Variants in PDLIM1 observed in about 807,000 individuals in gnomAD.
The protein encoded by PDLIM1 is PDZ and LIM domain protein 1.
In PDLIM1, 25 loss-of-function variants were observed where a neutral mutation model predicts 35.2. The observed-to-expected ratio is 0.71, with a 90% CI of 0.52 to 0.99. The LOEUF is 0.99. Among genes scored for constraint, PDLIM1 ranks in the 50% least tolerant of loss-of-function variants. PDLIM1 has a pLI of 0.00. For synonymous variants in PDLIM1, 152 were observed against 154.0 expected, an observed-to-expected ratio of 0.99 and a Z score of 0.10; for missense variants, 363 against 415.3, an observed-to-expected ratio of 0.87 and a Z score of 1.09.
chr10:95,283,667 T>C (rs1307294737), intron 1 of PDLIM1, among the ~76,000 whole-genome samples: 1 of 152,238 alleles, frequency 6.6e-6, no homozygotes, highest in Non-Finnish European at 1.5e-5. Context: ...TAGGTTTATA[T>C]TGTCCGATCT....
chr10:95,261,036 G>A (rs1589512048), intron 4 of PDLIM1, among the ~76,000 whole-genome samples: 2 of 152,198 alleles, frequency 1.3e-5, no homozygotes, highest in East Asian at 3.8e-4. Flanking sequence ...AACAGAAACA[G>A]GACCCTCTCT....
intron 5 of PDLIM1, among the ~76,000 whole-genome samples, chr10:95,240,896 T>C (rs2035172371): frequency 6.6e-6 from 1 of 152,146 alleles, no homozygotes; most frequent in South Asian, 2.1e-4. Flanking sequence ...ATGGTAGCTA[T>C]TAATAATGGT....
chr10:95,269,876 C>T (rs2035447986), intron 2 of PDLIM1, among the ~76,000 whole-genome samples: 1 of 152,116 alleles, frequency 6.6e-6, no homozygotes, highest in Non-Finnish European at 1.5e-5. Flanking sequence ...GCTGAGATTA[C>T]AGGCACCTGC....
intron 1 of PDLIM1, among the ~76,000 whole-genome samples, chr10:95,276,705 A>G (rs2035514267): frequency 6.6e-6 from 1 of 152,128 alleles, no homozygotes; most frequent in Admixed American, 6.5e-5. Context: ...TATCTGCATC[A>G]TTACAGATGA....
At chr10:95,268,996 A>G (rs2035439303) in intron 2 of PDLIM1, 134 bp from the exon 3 acceptor site, 1 of 646,568 alleles carries the variant, frequency 1.5e-6, no homozygotes, top group Non-Finnish European at 2.8e-6. Flanking sequence ...TCTACCTTCC[A>G]TTTGCCACCA....
chr10:95,281,280 T>TA (rs113817432), intron 1 of PDLIM1, among the ~76,000 whole-genome samples: 12,905 of 144,676 alleles, frequency 0.089, 681 homozygotes, highest in Middle Eastern at 0.19. Context: ...AAAACAGACT[T>TA]AAAAAAAAAA....
intron 5 of PDLIM1, among the ~76,000 whole-genome samples, chr10:95,240,159 A>G (rs921788310): frequency 6.6e-6 from 1 of 152,240 alleles, no homozygotes; most frequent in Non-Finnish European, 1.5e-5. Flanking sequence ...AGGAATATAA[A>G]TCATTCTATC....
rs45529734 is a variant in PDLIM1 at position 95,268,662 on chromosome 10, T to C, written c.333+116A>G. 1.9e-5 allele frequency: 14 copies of C among 735,098 alleles called. No homozygotes were observed. The Admixed American group carries it at 2.5e-4, about 13-fold the overall frequency. 45.5% of individuals were successfully genotyped at this position (735,098 alleles called of 1,614,324 possible). On this transcript the variant is annotated intron_variant, in intron 3 of 6. Transcript: ENST00000329399. ...AAGAGCCAGATACCAGCAGAGACAG[T>C]GAAGGGTCTTATCCCCAGGCCTCCA...
chr10:95,241,685 G>T (rs573113631), intron 5 of PDLIM1, among the ~76,000 whole-genome samples: 1 of 152,304 alleles, frequency 6.6e-6, no homozygotes, highest in East Asian at 1.9e-4. Context: ...GAGCAGATGT[G>T]AGCCTTATAC....
At chr10:95,238,172 A>G (rs2035143459) in intron 6 of PDLIM1, 61 bp from the exon 7 acceptor site, 2 of 1,445,226 alleles carry the variant, frequency 1.4e-6, no homozygotes, top group Non-Finnish European at 1.9e-6. Context: ...GTGGCACCTG[A>G]GCAGGTGGCA....
chr10:95,280,556 C>A (rs2035552610), intron 1 of PDLIM1, among the ~76,000 whole-genome samples: 1 of 152,136 alleles, frequency 6.6e-6, no homozygotes. Context: ...ATCAAGACCA[C>A]CCCATTTCAT....
Position 95,237,792 on chromosome 10 carries a change from G to A in PDLIM1, c.*133C>T. 2.9e-6 allele frequency: 2 copies of A among 684,120 alleles called. No homozygotes were observed. The highest frequency in any genetic ancestry group is 2.5e-6 in the Non-Finnish European group (1 of 405,186). The allele number at this position is 684,120 out of a possible 1,614,324, so 42.4% of individuals were successfully genotyped here. ...GTGAGTCAATTAACCAAGGCAGGGAGGGGACTCAATGTTTTACAAGCAGAG... is the reference window on the plus strand; with the variant it reads ...GTGAGTCAATTAACCAAGGCAGGGAAGGGACTCAATGTTTTACAAGCAGAG... On this transcript the variant is annotated 3_prime_UTR_variant, in exon 7 of 7. Transcript: ENST00000329399.
intron 3 of PDLIM1, among the ~76,000 whole-genome samples, 197 bp downstream of exon 3, chr10:95,268,581 G>A (rs1440566196): frequency 6.6e-6 from 1 of 152,196 alleles, no homozygotes; most frequent in Non-Finnish European, 1.5e-5. Flanking sequence ...CAGCGTCACT[G>A]CCCTGGGGTT....
At chr10:95,250,497 C>T (rs957035080) in intron 4 of PDLIM1, among the ~76,000 whole-genome samples, 9 of 151,656 alleles carry the variant, frequency 5.9e-5, no homozygotes, top group Admixed American at 2.0e-4. Flanking sequence ...TAAGATCCAA[C>T]GTCTAAGTCT....
chr10:95,247,453 G>T, intron 4 of PDLIM1, 87 bp from the exon 5 acceptor site: 1 of 1,032,050 alleles, frequency 9.7e-7, no homozygotes, highest in Non-Finnish European at 1.4e-6. Flanking sequence ...AGACACTGCT[G>T]ATTTGAAGGA....
intron 3 of PDLIM1, 37 bp from the exon 4 acceptor site, chr10:95,264,100 A>T (rs939172490): frequency 6.4e-7 from 1 of 1,564,014 alleles, no homozygotes; most frequent in Non-Finnish European, 8.8e-7. Flanking sequence ...CAAGGGGGGC[A>T]TCCAATGCAA....
At chr10:95,247,158 C>T in intron 5 of PDLIM1, 57 bp downstream of exon 5, 1 of 1,512,638 alleles carries the variant, frequency 6.6e-7, no homozygotes, top group Non-Finnish European at 9.0e-7. Flanking sequence ...TCCACAATGA[C>T]TGACTCTCAC....
chr10:95,254,922 G>A (rs145234173), intron 4 of PDLIM1, among the ~76,000 whole-genome samples: 76 of 152,012 alleles, frequency 5.0e-4, no homozygotes, highest in African/African-American at 1.8e-3. Flanking sequence ...AAGTAAGTAA[G>A]TAAGTAAATA....
At chr10:95,285,480 G>A (rs2035595020) in intron 1 of PDLIM1, among the ~76,000 whole-genome samples, 1 of 152,160 alleles carries the variant, frequency 6.6e-6, no homozygotes, top group Non-Finnish European at 1.5e-5. Flanking sequence ...GGTTAAAGCT[G>A]GCCTGGAAGT....
Sources: gnomAD v4.1 joint callset for allele counts (sites outside exome capture counted in the v4.1 genomes callset) on GRCh38, gnomAD v4.1.1 for gene constraint, MANE v1.5 for transcripts, NCBI Gene and HGNC (gene_info 2026-07-23, HGNC 2026-07-21) for gene names.